The following DOCK1 variants were observed in gnomAD, a reference collection of about 807,000 sequenced individuals.
The protein encoded by DOCK1 is dedicator of cytokinesis protein 1.
Under a neutral mutation model 262.7 loss-of-function variants are expected in DOCK1, and 138 were observed. That is an observed-to-expected ratio of 0.53 (90% CI 0.46 to 0.61). The LOEUF is 0.61. DOCK1 is among the 20% of genes least tolerant of loss of function. The pLI, the probability that DOCK1 is intolerant of heterozygous loss-of-function variation, is 0.00. For missense variants in DOCK1, 1,908 were observed against 2,370.7 expected (o/e 0.80, Z 4.05); for synonymous variants, 866 against 867.4 (o/e 1.00, Z 0.03).
intron 1 of DOCK1, among the ~76,000 whole-genome samples, chr10:126,961,556 C>CGAG (rs2037222259): frequency 6.6e-6 from 1 of 152,170 alleles, no homozygotes; most frequent in African/African-American, 2.4e-5. Context: ...TTTGACAACT[C>CGAG]GAGGAAGAGG....
chr10:126,973,723 T>C (rs1034800385), intron 2 of DOCK1, among the ~76,000 whole-genome samples: 1 of 152,202 alleles, frequency 6.6e-6, no homozygotes, highest in African/African-American at 2.4e-5. Flanking sequence ...TTTTTGTCAT[T>C]AAATAAAAAG....
chr10:126,936,130 A>G (rs1268770532), intron 1 of DOCK1, among the ~76,000 whole-genome samples: 2 of 152,130 alleles, frequency 1.3e-5, no homozygotes, highest in African/African-American at 2.4e-5. Context: ...ACAGGTGCAC[A>G]CCACCATACT....
intron 6 of DOCK1, among the ~76,000 whole-genome samples, chr10:126,993,843 A>G (rs555636049): frequency 1.3e-5 from 2 of 152,332 alleles, no homozygotes; most frequent in East Asian, 1.9e-4. Context: ...CAAAACTCCA[A>G]AGACTAAATA....
chr10:127,173,747 C>G (rs554917099), intron 27 of DOCK1, among the ~76,000 whole-genome samples: 1 of 152,270 alleles, frequency 6.6e-6, no homozygotes, highest in African/African-American at 2.4e-5. Context: ...TCCCCCACCC[C>G]ACGCCTGATG....
Position 127,106,315 on chromosome 10 carries a change from C to G in DOCK1, c.2516+14C>G. ...CAAAGAGCTCAGGTAAGTATGCAGC[C>G]CAGGCGAATGCTTGTCACGTGCCGT... is the stretch of plus-strand genomic sequence containing the variant. On this transcript the variant is annotated intron_variant, in intron 24 of 51. Transcript: ENST00000623213. 6.3e-7 allele frequency: 1 copy of G among 1,589,218 alleles called. No individual in the cohort carries two copies. Among genetic ancestry groups the G allele is most frequent in the East Asian group, 2.3e-5 (1 of 44,244 alleles).
chr10:126,930,461 G>A (rs1231589657), intron 1 of DOCK1, among the ~76,000 whole-genome samples: 10 of 152,208 alleles, frequency 6.6e-5, no homozygotes, highest in Non-Finnish European at 1.2e-4. Context: ...AGCCTTCCCC[G>A]TGACCATCGG....
At position 127,437,595 on chromosome 10, in the gene DOCK1, C is replaced by T. The variant is rs1323321443; in HGVS notation, c.5061-1432C>T. ...CCAGGCTCAAGCCATCCTGCCACCT[C>T]AGCCTCCTGAGTAGCTGGGACTATA... On this transcript the variant is annotated intron_variant, in intron 48 of 51. Transcript: ENST00000623213. This position sits in a 1 kb window ranked among gnomAD's most constrained non-coding sequence, Gnocchi z 4.4. 6.6e-6 allele frequency among the ~76,000 whole-genome samples: 1 copy of T among 152,116 alleles called. No individual in the cohort carries two copies. Among genetic ancestry groups the T allele is most frequent in the African/African-American group, 2.4e-5 (1 of 41,414 alleles).
chr10:127,326,867 G>A (rs970040972), intron 29 of DOCK1, among the ~76,000 whole-genome samples: 1 of 152,224 alleles, frequency 6.6e-6, no homozygotes, highest in South Asian at 2.1e-4. Flanking sequence ...GTGTTAGCAG[G>A]CATGAAAACA....
In DOCK1 at chr10:127,433,178, T is replaced by C; in HGVS notation, c.4915-105T>C. On this transcript the variant is annotated intron_variant, in intron 47 of 51. Transcript: ENST00000623213. Reference sequence around the variant, plus strand: ...GTACTGTTTACAGAAGTCTGAACGATGATGGTCTCGATTCCACACAGCTAA... The same window carrying C: ...GTACTGTTTACAGAAGTCTGAACGACGATGGTCTCGATTCCACACAGCTAA... 4.1e-6 allele frequency: 6 copies of C among 1,466,998 alleles called. No individual in the cohort carries two copies. The South Asian group carries it at 6.4e-5, about 16-fold the overall frequency. The allele number at this position is 1,466,998 out of a possible 1,614,324, so 90.9% of individuals were successfully genotyped here. A position where few individuals can be genotyped will look rare whatever the true frequency, so the allele number is the denominator to read the frequency against.
chr10:127,386,839 T>C (rs4751310), intron 38 of DOCK1, among the ~76,000 whole-genome samples: 48,941 of 152,156 alleles, frequency 0.32, 8,256 homozygotes, highest in Admixed American at 0.47. Flanking sequence ...TGGGGACCGC[T>C]GCTGTAGTGG....
At chr10:127,014,449 A>G (rs181030024) in intron 12 of DOCK1, among the ~76,000 whole-genome samples, 19 of 152,310 alleles carry the variant, frequency 1.2e-4, no homozygotes, top group Non-Finnish European at 2.2e-4. Flanking sequence ...TCACTAGTGC[A>G]TTAGTTTATG....
chr10:126,974,580 C>T (rs2134726818), intron 2 of DOCK1, among the ~76,000 whole-genome samples: 1 of 152,250 alleles, frequency 6.6e-6, no homozygotes, highest in African/African-American at 2.4e-5. Context: ...TTTCTCCTTC[C>T]AGCCTCATCC....
chr10:127,251,275 G>A (rs1324723055), intron 28 of DOCK1, among the ~76,000 whole-genome samples: 14 of 151,950 alleles, frequency 9.2e-5, no homozygotes, highest in Admixed American at 8.5e-4. Flanking sequence ...CACCACGCCC[G>A]GCTTACTCTG....
chr10:127,034,689 T>C (rs1416333504), intron 18 of DOCK1, among the ~76,000 whole-genome samples: 1 of 152,216 alleles, frequency 6.6e-6, no homozygotes, highest in Admixed American at 6.5e-5. Context: ...GTGCCATGTG[T>C]TGCAGTGCTC....
intron 23 of DOCK1, among the ~76,000 whole-genome samples, chr10:127,076,602 G>C (rs1191397206): frequency 3.9e-5 from 6 of 152,206 alleles, no homozygotes. Flanking sequence ...GCCCCAGGGA[G>C]TGGTGAGGGT....
chr10:126,937,591 A>G (rs1319534480), intron 1 of DOCK1, among the ~76,000 whole-genome samples: 1 of 142,304 alleles, frequency 7.0e-6, no homozygotes, highest in Non-Finnish European at 1.5e-5. Flanking sequence ...TTTGATTTTC[A>G]TTTTCTTAAG....
At chr10:127,226,969 A>T (rs1288210092) in intron 27 of DOCK1, among the ~76,000 whole-genome samples, 2 of 152,024 alleles carry the variant, frequency 1.3e-5, no homozygotes, top group Non-Finnish European at 2.9e-5. Context: ...GTCATTTCTC[A>T]CTAGACACAG....
At chr10:127,336,774 C>T (rs935695595) in intron 29 of DOCK1, among the ~76,000 whole-genome samples, 10 of 152,018 alleles carry the variant, frequency 6.6e-5, no homozygotes, top group East Asian at 1.9e-4. Context: ...CTCCTGACCT[C>T]GTGATTCACC....
intron 31 of DOCK1, among the ~76,000 whole-genome samples, chr10:127,343,955 G>C (rs141263957): frequency 2.8e-3 from 429 of 152,312 alleles, no homozygotes; most frequent in African/African-American, 8.8e-3. Flanking sequence ...AAGGTTCCAG[G>C]TCAGTGTAAT....
Sources: gnomAD v4.1 joint callset for allele counts (sites outside exome capture counted in the v4.1 genomes callset) on GRCh38, gnomAD v4.1.1 for gene constraint, Gnocchi (gnomAD v3.1) non-coding constraint, MANE v1.5 for transcripts, NCBI Gene and HGNC (gene_info 2026-07-23, HGNC 2026-07-21) for gene names.